ADAMTSL1: variants seen among roughly 807,000 people sequenced by gnomAD.
The protein encoded by ADAMTSL1 is ADAMTS-like protein 1.
A neutral mutation model predicts 201.8 loss-of-function variants in ADAMTSL1; 126 were observed. That is an observed-to-expected ratio of 0.62 (90% CI 0.54 to 0.72). The LOEUF (loss-of-function observed/expected upper bound fraction) is 0.72, where lower values mean the gene tolerates loss of function less well. Ranked by LOEUF, ADAMTSL1 falls within the 30% of genes least tolerant of loss-of-function variation. ADAMTSL1 has a pLI of 0.00. For synonymous variants in ADAMTSL1, 1,121 were observed against 903.4 expected (o/e 1.24, Z -4.32); for missense variants, 2,679 against 2,277.8 (o/e 1.18, Z -3.59).
intron 16 of ADAMTSL1, among the ~76,000 whole-genome samples, chr9:18,767,895 TAATC>T (rs1343940407): frequency 2.0e-5 from 3 of 152,196 alleles, no homozygotes; most frequent in Non-Finnish European, 4.4e-5. Context: ...ATTTTGTTCT[TAATC>T]AAGCCCAAAC....
chr9:18,476,475 A>G (rs960889092), intron 1 of ADAMTSL1, among the ~76,000 whole-genome samples: 4 of 152,150 alleles, frequency 2.6e-5, no homozygotes, highest in Admixed American at 1.3e-4. Flanking sequence ...ATCATTAAAG[A>G]TATGTACAAT....
At chr9:18,771,683 T>A (rs2133722488) in intron 17 of ADAMTSL1, among the ~76,000 whole-genome samples, 1 of 151,336 alleles carries the variant, frequency 6.6e-6, no homozygotes, top group East Asian at 2.0e-4. Context: ...AGCATTTGAA[T>A]TTGCCTTCCT....
At chr9:18,666,319 G>A (rs1829427690) in intron 9 of ADAMTSL1, among the ~76,000 whole-genome samples, 1 of 152,154 alleles carries the variant, frequency 6.6e-6, no homozygotes, top group Admixed American at 6.5e-5. Context: ...TGAAGAGAAA[G>A]TAAAGTATAA....
At chr9:18,669,020 T>C (rs1829641422) in intron 9 of ADAMTSL1, among the ~76,000 whole-genome samples, 1 of 152,220 alleles carries the variant, frequency 6.6e-6, no homozygotes, top group African/African-American at 2.4e-5. Flanking sequence ...ACCTGATGCC[T>C]GGTGCAGCCT....
intron 2 of ADAMTSL1, among the ~76,000 whole-genome samples, chr9:18,216,726 T>C (rs1200378965): frequency 6.6e-6 from 1 of 151,920 alleles, no homozygotes; most frequent in South Asian, 2.1e-4. Flanking sequence ...TTAGTTTTTT[T>C]CTCCTCCCTT....
chr9:17,982,284 G>T (rs1818737800), intron 1 of ADAMTSL1, among the ~76,000 whole-genome samples: 1 of 152,144 alleles, frequency 6.6e-6, no homozygotes, highest in Admixed American at 6.6e-5. Context: ...CATATGAGTT[G>T]TGGCCTTGTC....
At chr9:18,445,706 A>AT (rs925927501) in intron 2 of ADAMTSL1, among the ~76,000 whole-genome samples, 3 of 152,096 alleles carry the variant, frequency 2.0e-5, no homozygotes, top group African/African-American at 7.2e-5. Flanking sequence ...ATCTTGAAAA[A>AT]TTTTTTTATC....
At chr9:18,239,580 A>G (rs923649026) in intron 2 of ADAMTSL1, among the ~76,000 whole-genome samples, 4 of 151,982 alleles carry the variant, frequency 2.6e-5, no homozygotes, top group African/African-American at 9.7e-5. Flanking sequence ...CTCTACTGAA[A>G]ATAGAAAAAA....
chr9:18,855,889 T>TGTCTGATG (rs1440456216), intron 23 of ADAMTSL1, among the ~76,000 whole-genome samples: 1 of 152,218 alleles, frequency 6.6e-6, no homozygotes, highest in East Asian at 1.9e-4. Context: ...CAAGCCTGTG[T>TGTCTGATG]GTCTGATGTC....
At chr9:18,604,089 T>A (rs1824850806) in intron 4 of ADAMTSL1, among the ~76,000 whole-genome samples, 1 of 152,214 alleles carries the variant, frequency 6.6e-6, no homozygotes, top group Non-Finnish European at 1.5e-5. Flanking sequence ...CTGGACCTCA[T>A]ATTCTGAAAC....
intron 2 of ADAMTSL1, among the ~76,000 whole-genome samples, chr9:18,266,135 A>T (rs1034337231): frequency 1.3e-5 from 2 of 152,216 alleles, no homozygotes; most frequent in African/African-American, 4.8e-5. Context: ...ATTTACAAAG[A>T]CAGCAGGCGC....
intron 2 of ADAMTSL1, among the ~76,000 whole-genome samples, chr9:18,381,578 G>C (rs1284146181): frequency 6.6e-6 from 1 of 152,104 alleles, no homozygotes; most frequent in Non-Finnish European, 1.5e-5. Context: ...TGGGTTAATA[G>C]AACAGAAGCC....
intron 2 of ADAMTSL1, among the ~76,000 whole-genome samples, chr9:18,235,303 G>A (rs1319485053): frequency 1.3e-5 from 2 of 152,104 alleles, no homozygotes; most frequent in East Asian, 1.9e-4. Flanking sequence ...TTGGTGTTAC[G>A]GGTTCTTGGG....
At chr9:17,931,770 G>T (rs1323566269) in intron 1 of ADAMTSL1, among the ~76,000 whole-genome samples, 2 of 152,074 alleles carry the variant, frequency 1.3e-5, no homozygotes, top group African/African-American at 4.8e-5. Context: ...CATCCTTCTT[G>T]GTTCTTTAAT....
chr9:18,333,356 G>A (rs1206419568), intron 2 of ADAMTSL1, among the ~76,000 whole-genome samples: 7 of 152,062 alleles, frequency 4.6e-5, no homozygotes, highest in Admixed American at 4.6e-4. Context: ...ATAAGCGTCT[G>A]GCATTTCCCC....
At chr9:18,841,503 T>C (rs1281442196) in intron 23 of ADAMTSL1, among the ~76,000 whole-genome samples, 1 of 152,208 alleles carries the variant, frequency 6.6e-6, no homozygotes, top group Non-Finnish European at 1.5e-5. Context: ...ATTCTCTCTT[T>C]TGGTTGTGTC....
At chr9:18,085,519 T>C (rs985034057) in intron 1 of ADAMTSL1, among the ~76,000 whole-genome samples, 1 of 150,876 alleles carries the variant, frequency 6.6e-6, no homozygotes, top group Non-Finnish European at 1.5e-5. Context: ...CATATATATA[T>C]ACTGTATGCA....
At chr9:18,763,021 C>A (rs1416433551) in intron 16 of ADAMTSL1, among the ~76,000 whole-genome samples, 1 of 152,030 alleles carries the variant, frequency 6.6e-6, no homozygotes, top group Non-Finnish European at 1.5e-5. Flanking sequence ...GGGTATATAC[C>A]CAGCAGTATG....
intron 2 of ADAMTSL1, among the ~76,000 whole-genome samples, chr9:18,529,971 A>C (rs897295388): frequency 6.6e-6 from 1 of 152,154 alleles, no homozygotes; most frequent in Non-Finnish European, 1.5e-5. Context: ...CATCTTTTAC[A>C]TTCTGTGCAG....
Sources: gnomAD v4.1 joint callset for allele counts (sites outside exome capture counted in the v4.1 genomes callset) on GRCh38, gnomAD v4.1.1 for gene constraint, MANE v1.5 for transcripts, NCBI Gene and HGNC (gene_info 2026-07-23, HGNC 2026-07-21) for gene names.